Variants in TDRD3 observed in about 807,000 individuals in gnomAD.
TDRD3 encodes the protein tudor domain-containing protein 3.
Under a neutral mutation model 86.7 loss-of-function variants are expected in TDRD3, and 45 were observed. The observed-to-expected ratio is 0.52, with a 90% CI of 0.41 to 0.67. TDRD3 has a LOEUF of 0.67. Among genes scored for constraint, TDRD3 ranks in the 30% least tolerant of loss-of-function variants. TDRD3 has a pLI of 0.00. For missense variants in TDRD3, 814 were observed against 889.0 expected (o/e 0.92, Z 1.07); for synonymous variants, 298 against 301.7 (o/e 0.99, Z 0.13).
intron 12 of TDRD3, among the ~76,000 whole-genome samples, chr13:60,564,633 A>G (rs2137977336): frequency 6.6e-6 from 1 of 152,340 alleles, no homozygotes; most frequent in Middle Eastern, 3.4e-3. Context: ...TGTCGAATCT[A>G]GAAGGATGGA....
chr13:60,518,176 T>C (rs953675015), intron 10 of TDRD3, among the ~76,000 whole-genome samples: 1 of 152,194 alleles, frequency 6.6e-6, no homozygotes, highest in Non-Finnish European at 1.5e-5. Context: ...AGTGATGCAG[T>C]GAGGCACCCA....
rs1452897019 is a variant in TDRD3, at chr13:60,397,354, A to G, written c.-11A>G. 2.7e-6 allele frequency: 4 copies of G among 1,480,308 alleles called. No homozygotes were observed. The South Asian group carries it at 3.8e-5, about 14-fold the overall frequency. 91.7% of individuals were successfully genotyped at this position (1,480,308 alleles called of 1,614,324 possible). On this transcript the variant is annotated 5_prime_UTR_variant, in exon 1 of 14. The change abolishes the stop of an existing upstream ORF in the 5' untranslated region. Transcript: ENST00000377881. Reference sequence around the variant, plus strand: ...CCCAGCCCCCCACCACCCCCGGCCTAAGCAGCTACCATGGCCCAGGTGGCC... The same window carrying G: ...CCCAGCCCCCCACCACCCCCGGCCTGAGCAGCTACCATGGCCCAGGTGGCC...
chr13:60,492,854 T>A (rs1956617316), intron 7 of TDRD3, among the ~76,000 whole-genome samples: 1 of 151,820 alleles, frequency 6.6e-6, no homozygotes, highest in Admixed American at 6.6e-5. Flanking sequence ...TCCAACATTT[T>A]AAAAAAGTTT....
rs577945043 is a variant in TDRD3, at chr13:60,505,972, G to A, written c.859-3791G>A. ...GAAAACACACTTCAGGATATTGTCC[G>A]GAAGAACTTCCCCAACCTAGCAAGA... On this transcript the variant is annotated intron_variant, in intron 8 of 13. Transcript: ENST00000377881. Among the ~76,000 whole-genome samples, 256 of 152,232 alleles carry A rather than the reference G, an allele frequency of 1.7e-3. 1 individual carries two copies. Among genetic ancestry groups the A allele is most frequent in the African/African-American group, 5.7e-3 (237 of 41,546 alleles).
At chr13:60,510,506 C>A in intron 9 of TDRD3, 124 bp from the exon 10 acceptor site, 1 of 1,037,518 alleles carries the variant, frequency 9.6e-7, no homozygotes, top group Non-Finnish European at 1.2e-6. Flanking sequence ...AAGATGTAGA[C>A]TATACAAAAA....
intron 4 of TDRD3, among the ~76,000 whole-genome samples, chr13:60,462,731 A>G (rs1318072826): frequency 6.6e-6 from 1 of 152,164 alleles, no homozygotes; most frequent in Non-Finnish European, 1.5e-5. Flanking sequence ...GGTGCCAATG[A>G]AAATATTAAC....
intron 8 of TDRD3, among the ~76,000 whole-genome samples, chr13:60,498,971 C>A (rs1185655615): frequency 6.6e-6 from 1 of 152,096 alleles, no homozygotes; most frequent in Non-Finnish European, 1.5e-5. Flanking sequence ...GTGGTCATTT[C>A]CCCAGTGCCA....
chr13:60,542,096 G>A (rs547750151), intron 12 of TDRD3, among the ~76,000 whole-genome samples: 3 of 152,160 alleles, frequency 2.0e-5, no homozygotes, highest in Non-Finnish European at 2.9e-5. Context: ...AATTGTTCAG[G>A]TGATCTTATT....
intron 5 of TDRD3, among the ~76,000 whole-genome samples, chr13:60,480,304 G>A (rs1359692389): frequency 6.6e-6 from 1 of 152,118 alleles, no homozygotes; most frequent in African/African-American, 2.4e-5. Context: ...TTTCTTTAAG[G>A]ATATTGAAAA....
chr13:60,546,407 G>A (rs959674092), intron 12 of TDRD3, among the ~76,000 whole-genome samples: 1 of 152,014 alleles, frequency 6.6e-6, no homozygotes, highest in Non-Finnish European at 1.5e-5. Flanking sequence ...TTAAGAAAAA[G>A]TAAGGAACTA....
chr13:60,444,602 A>G (rs1955356177), intron 2 of TDRD3, 81 bp from the exon 3 acceptor site: 10 of 828,960 alleles, frequency 1.2e-5, no homozygotes, highest in Non-Finnish European at 1.6e-5. Context: ...ACCATAAGTA[A>G]TTTCATCTTT....
intron 10 of TDRD3, among the ~76,000 whole-genome samples, chr13:60,525,166 CTTTTTTTTTTTTTT>C (rs71199006): frequency 1.8e-5 from 1 of 56,092 alleles, no homozygotes; most frequent in African/African-American, 6.7e-5. Context: ...TAAGGGAATT[CTTTTTTTTTTTTTT>C]TTTTTTTTTT....
intron 10 of TDRD3, among the ~76,000 whole-genome samples, chr13:60,523,499 T>A (rs867545356): frequency 2.6e-5 from 4 of 152,092 alleles, no homozygotes; most frequent in Non-Finnish European, 5.9e-5. Flanking sequence ...TTTTCTCATA[T>A]GAGCTTTCCC....
At chr13:60,570,229 T>C (rs1264386259) in intron 13 of TDRD3, among the ~76,000 whole-genome samples, 1 of 152,136 alleles carries the variant, frequency 6.6e-6, no homozygotes, top group Non-Finnish European at 1.5e-5. Flanking sequence ...AATAATAATC[T>C]GATTTTTTAA....
intron 2 of TDRD3, among the ~76,000 whole-genome samples, chr13:60,441,144 T>G (rs1362929173): frequency 6.6e-6 from 1 of 152,142 alleles, no homozygotes; most frequent in East Asian, 1.9e-4. Flanking sequence ...ATTATGCATG[T>G]TATTTATGAC....
At chr13:60,508,451 C>T (rs1956984545) in intron 8 of TDRD3, among the ~76,000 whole-genome samples, 1 of 152,148 alleles carries the variant, frequency 6.6e-6, no homozygotes, top group African/African-American at 2.4e-5. Flanking sequence ...ACAGACGCCT[C>T]ATAAATAACA....
chr13:60,460,348 A>G, intron 3 of TDRD3, 32 bp from the exon 4 acceptor site: 1 of 1,545,116 alleles, frequency 6.5e-7, no homozygotes, highest in Non-Finnish European at 8.7e-7. Flanking sequence ...TCATGACTAG[A>G]AAGTGATTTT....
intron 5 of TDRD3, among the ~76,000 whole-genome samples, chr13:60,472,226 A>G (rs1019042015): frequency 6.6e-6 from 1 of 152,176 alleles, no homozygotes; most frequent in Non-Finnish European, 1.5e-5. Context: ...ACATTTGGTC[A>G]TGGTCTCTAA....
chr13:60,468,109 A>T (rs140053317), intron 5 of TDRD3, among the ~76,000 whole-genome samples: 10 of 152,242 alleles, frequency 6.6e-5, no homozygotes, highest in African/African-American at 2.4e-4. Context: ...AGCATAGTTG[A>T]GATGCTTTTA....
Sources: allele counts gnomAD v4.1 joint callset (sites outside exome capture counted in the v4.1 genomes callset), GRCh38; gene constraint gnomAD v4.1.1; transcripts MANE v1.5; gene names NCBI Gene and HGNC (gene_info 2026-07-23, HGNC 2026-07-21).